SH3PXD2A: variants seen among roughly 807,000 people sequenced by gnomAD.
The protein encoded by SH3PXD2A is SH3 and PX domains 2A.
In SH3PXD2A, 32 loss-of-function variants were observed where a neutral mutation model predicts 115.2. The observed-to-expected ratio is 0.28, with a 90% CI of 0.21 to 0.37. The LOEUF (loss-of-function observed/expected upper bound fraction) is 0.37, where lower values mean the gene tolerates loss of function less well. Ranked by LOEUF, SH3PXD2A falls within the 10% of genes least tolerant of loss-of-function variation. The pLI is 1.00. For synonymous variants in SH3PXD2A, 610 were observed against 629.1 expected (o/e 0.97, Z 0.45); for missense variants, 1,328 against 1,498.7 (o/e 0.89, Z 1.88).
At chr10:103,814,006 A>C (rs914516124) in intron 1 of SH3PXD2A, among the ~76,000 whole-genome samples, 64 of 132,994 alleles carry the variant, frequency 4.8e-4, no homozygotes, top group Non-Finnish European at 8.4e-4. Context: ...AGCTAAAAAA[A>C]AAAAAAAAAC....
intron 1 of SH3PXD2A, among the ~76,000 whole-genome samples, chr10:103,821,822 C>T (rs2039383134): frequency 6.6e-6 from 1 of 152,168 alleles, no homozygotes; most frequent in Admixed American, 6.5e-5. Context: ...TTGCCTCGGC[C>T]TCCCAAAGAG....
At chr10:103,811,116 C>A (rs114325333) in intron 1 of SH3PXD2A, among the ~76,000 whole-genome samples, 2 of 152,188 alleles carry the variant, frequency 1.3e-5, no homozygotes, top group African/African-American at 4.8e-5. Context: ...GAACGTGCTG[C>A]GGTTGGCCCC....
At position 103,660,930 on chromosome 10, in the gene SH3PXD2A, G is replaced by GC. The variant is rs555856653; in HGVS notation, c.604+52dup. 614 of 1,601,362 alleles carry GC rather than the reference G, an allele frequency of 3.8e-4. 1 individual carries two copies. Among genetic ancestry groups the GC allele is most frequent in the African/African-American group, 3.6e-3 (270 of 74,762 alleles). On this transcript the variant is annotated intron_variant, in intron 8 of 14. Transcript: ENST00000369774. ...GGAGGGAGGAACAAAAACCAGCTCGGCCCGGGGGCCAGACCGGAACCCCAG... is the reference window on the plus strand; with the variant it reads ...GGAGGGAGGAACAAAAACCAGCTCGGCCCCGGGGGCCAGACCGGAACCCCAG...
At chr10:103,611,840 C>T (rs1008551771) in intron 12 of SH3PXD2A, among the ~76,000 whole-genome samples, 9 of 152,172 alleles carry the variant, frequency 5.9e-5, no homozygotes, top group Non-Finnish European at 1.5e-5. Flanking sequence ...GGCTGTGCTT[C>T]CAGGGGATCT....
chr10:103,678,859 T>C (rs1413840117), intron 6 of SH3PXD2A, among the ~76,000 whole-genome samples: 4 of 152,040 alleles, frequency 2.6e-5, no homozygotes, highest in Non-Finnish European at 5.9e-5. Context: ...AGGTGGGAGG[T>C]GGCTCCTGGG....
At chr10:103,647,126 C>T (rs534015407) in intron 8 of SH3PXD2A, among the ~76,000 whole-genome samples, 68 of 152,194 alleles carry the variant, frequency 4.5e-4, no homozygotes, top group Non-Finnish European at 7.8e-4. Context: ...GCCAAGATAC[C>T]CCCAATGAGT....
At chr10:103,822,023 C>T (rs540635810) in intron 1 of SH3PXD2A, among the ~76,000 whole-genome samples, 264 of 152,268 alleles carry the variant, frequency 1.7e-3, no homozygotes, top group African/African-American at 4.9e-3. Flanking sequence ...CCAGCCTCAG[C>T]CTCCTGAGTA....
chr10:103,735,786 G>C lies in SH3PXD2A; in HGVS notation c.252C>G (p.Ser84Arg). The change falls in exon 4 of 15, where the codon AGC becomes AGG. Residue 84 changes from serine (S) to arginine (R), a missense_variant. By Grantham distance (110) the Ser-to-Arg change is moderately radical. Around this residue, in one of 5 missense-constraint regions of SH3PXD2A, gnomAD observed 110 missense variants for 160.0 expected, o/e 0.69. Coordinates refer to ENST00000369774, the MANE Select transcript of SH3PXD2A (RefSeq NM_001394015.1). ...TCTTCACAGCTACGTCCCGGATGTG[G>C]CTTCTGCGGAAGAGGATCTTGCCTG... The part of the protein sequence containing the change: ...FLPGKILFRR[S>R]HIRDVAVKRL... The C allele has an allele frequency of 6.2e-7, 1 of 1,614,010 alleles. No homozygotes were observed. Among genetic ancestry groups the C allele is most frequent in the Non-Finnish European group, 8.5e-7 (1 of 1,179,940 alleles).
At chr10:103,730,429 C>T (rs1159253881) in intron 4 of SH3PXD2A, among the ~76,000 whole-genome samples, 1 of 152,028 alleles carries the variant, frequency 6.6e-6, no homozygotes, top group South Asian at 2.1e-4. Context: ...AGCCCCACCT[C>T]TGGGGCTGCC....
intron 1 of SH3PXD2A, among the ~76,000 whole-genome samples, chr10:103,846,166 G>A (rs1842846578): frequency 6.6e-6 from 1 of 152,248 alleles, no homozygotes; most frequent in Non-Finnish European, 1.5e-5. Context: ...CTTGGGGAGG[G>A]TGGCTTCCTC....
chr10:103,682,751 C>T (rs1450130158), intron 6 of SH3PXD2A, among the ~76,000 whole-genome samples: 1 of 83,728 alleles, frequency 1.2e-5, no homozygotes, highest in African/African-American at 5.0e-5. Flanking sequence ...AGCCAGATTC[C>T]GTCTCAAAAA....
chr10:103,618,223 C>T (rs1235900776), intron 10 of SH3PXD2A, among the ~76,000 whole-genome samples: 2 of 152,184 alleles, frequency 1.3e-5, no homozygotes, highest in Non-Finnish European at 2.9e-5. Flanking sequence ...GAGTGGGGCA[C>T]CATGGTGCCT....
chr10:103,756,717 A>T lies in SH3PXD2A; in HGVS notation c.229+10377T>A, dbSNP rs2038645759. On this transcript the variant is annotated intron_variant, in intron 3 of 14. Transcript: ENST00000369774. The surrounding 1 kb of genome is among the most constrained non-coding windows in gnomAD (Gnocchi z 4.4). ...TGGCCAGGGCTGCCCAGACAGAGCT[A>T]TGGGCAGTCATCCTCGACCCCACCC... Among the ~76,000 whole-genome samples the T allele has an allele frequency of 6.6e-6, 1 of 152,086 alleles. No homozygotes were observed. Among genetic ancestry groups the T allele is most frequent in the South Asian group, 2.1e-4 (1 of 4,832 alleles).
chr10:103,849,845 C>T (rs1012256524), intron 1 of SH3PXD2A, among the ~76,000 whole-genome samples: 3 of 152,186 alleles, frequency 2.0e-5, no homozygotes, highest in Non-Finnish European at 4.4e-5. Flanking sequence ...TCCCCTGGGT[C>T]CCTATCCTAA....
At chr10:103,660,855 G>C in intron 8 of SH3PXD2A, 128 bp downstream of exon 8, 2 of 1,064,136 alleles carry the variant, frequency 1.9e-6, no homozygotes, top group Non-Finnish European at 2.8e-6. Context: ...CAGCCGCCTC[G>C]GCCCTCTCTC....
intron 1 of SH3PXD2A, among the ~76,000 whole-genome samples, chr10:103,808,226 G>A (rs1157158325): frequency 2.0e-5 from 3 of 151,890 alleles, no homozygotes; most frequent in East Asian, 1.9e-4. Flanking sequence ...AAGCAGTAAA[G>A]GCCCTGGTGT....
At chr10:103,772,734 G>C (rs1381619418) in intron 2 of SH3PXD2A, among the ~76,000 whole-genome samples, 2 of 152,204 alleles carry the variant, frequency 1.3e-5, no homozygotes, top group Non-Finnish European at 2.9e-5. Context: ...GGACGGGCGA[G>C]CCCAGCTGGG....
intron 6 of SH3PXD2A, among the ~76,000 whole-genome samples, chr10:103,683,811 C>T (rs2037641895): frequency 6.6e-6 from 1 of 152,214 alleles, no homozygotes; most frequent in African/African-American, 2.4e-5. Flanking sequence ...CCTTCAGGGC[C>T]ATCTCCAGCC....
rs1397175844 is a variant in SH3PXD2A at position 103,726,762 on chromosome 10, A to C, written c.307-2401T>G. Among the ~76,000 whole-genome samples the C allele has an allele frequency of 3.3e-5, 5 of 152,266 alleles. No individual in the cohort carries two copies. In the East Asian group the frequency reaches 9.7e-4, roughly 29 times the overall value. ...AGTTATTCTCTGAGCTAGTTAGATAACAATTGAAGTGTGCCATCTAGCACC... is the reference window on the plus strand; with the variant it reads ...AGTTATTCTCTGAGCTAGTTAGATACCAATTGAAGTGTGCCATCTAGCACC... On this transcript the variant is annotated intron_variant, in intron 4 of 14. Transcript: ENST00000369774.
Sources: allele counts gnomAD v4.1 joint callset (sites outside exome capture counted in the v4.1 genomes callset), GRCh38; gene constraint gnomAD v4.1.1; regional missense constraint gnomAD v4.1.1; non-coding constraint Gnocchi (gnomAD v3.1); transcripts MANE v1.5; gene names NCBI Gene and HGNC (gene_info 2026-07-23, HGNC 2026-07-21).